Variants in ABCC1 observed in about 807,000 individuals in gnomAD.
The protein encoded by ABCC1 is ATP binding cassette subfamily C member 1 (ABCC1 blood group).
A neutral mutation model predicts 172.9 loss-of-function variants in ABCC1; 83 were observed. That is an observed-to-expected ratio of 0.48 (90% CI 0.40 to 0.58). The LOEUF is 0.58. ABCC1 is among the 20% of genes least tolerant of loss of function. ABCC1 has a pLI of 0.00. For missense variants in ABCC1, 1,817 were observed against 2,002.7 expected (o/e 0.91, Z 1.77); for synonymous variants, 937 against 825.2 (o/e 1.14, Z -2.32).
chr16:16,102,883 C>G (rs1451695606), intron 20 of ABCC1, among the ~76,000 whole-genome samples, 166 bp downstream of exon 20: 1 of 152,104 alleles, frequency 6.6e-6, no homozygotes, highest in Non-Finnish European at 1.5e-5. Flanking sequence ...TACAGAGGCC[C>G]AAAGAAGGAA....
At chr16:16,059,804 G>A (rs977796865) in intron 12 of ABCC1, among the ~76,000 whole-genome samples, 2 of 151,222 alleles carry the variant, frequency 1.3e-5, no homozygotes, top group Non-Finnish European at 3.0e-5. Context: ...ACCCTTTCCT[G>A]CTGCTGCCCC....
At chr16:16,104,204 C>G (rs191033366) in intron 20 of ABCC1, among the ~76,000 whole-genome samples, 9 of 152,162 alleles carry the variant, frequency 5.9e-5, no homozygotes, top group Non-Finnish European at 1.0e-4. Flanking sequence ...AAAGCTTCCA[C>G]AGTTTGGAAG....
intron 1 of ABCC1, among the ~76,000 whole-genome samples, chr16:15,960,444 G>C (rs933555418): frequency 3.9e-5 from 6 of 152,046 alleles, no homozygotes; most frequent in African/African-American, 1.4e-4. Flanking sequence ...CATTTATTCA[G>C]TCATTATTAA....
chr16:16,061,813 G>A (rs541211848), intron 12 of ABCC1, among the ~76,000 whole-genome samples: 146 of 120,774 alleles, frequency 1.2e-3, no homozygotes, highest in Non-Finnish European at 2.0e-3. Context: ...TCACACTGCC[G>A]CCCAAGCTGG....
At position 16,131,950 on chromosome 16, in the gene ABCC1, CCCCATTCCCTCA is replaced by C. The variant is rs761044130; in HGVS notation, c.3966+25_3966+36del. On this transcript the variant is annotated intron_variant, in intron 27 of 30. Transcript: ENST00000399410. ...GGGGAGAAAAGGTGGGTACACATCG[CCCCATTCCCTCA>C]CCCATTCCCAGTCGGGCACAGGGTG... 6 of 1,609,570 alleles carry C rather than the reference CCCCATTCCCTCA, an allele frequency of 3.7e-6. No individual in the cohort carries two copies. The Admixed American group carries it at 5.1e-5, about 14-fold the overall frequency.
At chr16:16,063,026 T>C (rs2049977735) in intron 12 of ABCC1, among the ~76,000 whole-genome samples, 1 of 152,224 alleles carries the variant, frequency 6.6e-6, no homozygotes, top group African/African-American at 2.4e-5. Flanking sequence ...TAATGATCTG[T>C]CCTGTAGTTC....
chr16:15,987,073 G>T (rs556972791), intron 1 of ABCC1, among the ~76,000 whole-genome samples: 1 of 152,312 alleles, frequency 6.6e-6, no homozygotes, highest in South Asian at 2.1e-4. Context: ...GCTGAGGCGG[G>T]AGGATCACTT....
intron 7 of ABCC1, among the ~76,000 whole-genome samples, chr16:16,039,893 G>A (rs1457988447): frequency 1.3e-5 from 2 of 152,192 alleles, no homozygotes; most frequent in East Asian, 3.9e-4. Flanking sequence ...GGGGGCTTGT[G>A]TGGCTTGAGG....
At chr16:15,986,755 C>T (rs559448624) in intron 1 of ABCC1, among the ~76,000 whole-genome samples, 16 of 152,102 alleles carry the variant, frequency 1.1e-4, no homozygotes, top group East Asian at 3.9e-4. Context: ...GTTCTGGGGA[C>T]GGGGATGTAG....
chr16:16,090,722 G>GC (rs2051219050), intron 19 of ABCC1, 134 bp downstream of exon 19: 1 of 974,888 alleles, frequency 1.0e-6, no homozygotes, highest in African/African-American at 1.7e-5. Flanking sequence ...GCTGGATGGA[G>GC]CCCCCTAAAG....
intron 1 of ABCC1, among the ~76,000 whole-genome samples, chr16:15,985,516 C>T (rs2046723261): frequency 6.6e-6 from 1 of 152,114 alleles, no homozygotes; most frequent in Non-Finnish European, 1.5e-5. Context: ...ACCATCTCGG[C>T]TCACTGCATC....
At chr16:16,078,073 A>G (rs1431964517) in intron 15 of ABCC1, among the ~76,000 whole-genome samples, 1 of 152,210 alleles carries the variant, frequency 6.6e-6, no homozygotes. Context: ...CACAAGAATC[A>G]TTTGAACCTG....
intron 7 of ABCC1, among the ~76,000 whole-genome samples, chr16:16,039,419 C>T (rs2048890900): frequency 1.3e-5 from 2 of 151,054 alleles, no homozygotes; most frequent in African/African-American, 4.9e-5. Flanking sequence ...AGGTGCATGC[C>T]ACCACGCCTG....
chr16:16,028,597 G>A (rs538014813), intron 5 of ABCC1, among the ~76,000 whole-genome samples: 2 of 152,132 alleles, frequency 1.3e-5, no homozygotes, highest in Admixed American at 6.5e-5. Flanking sequence ...CAGCTCTTCC[G>A]GATGAAAAAC....
chr16:15,981,623 G>A (rs1463570294), intron 1 of ABCC1, among the ~76,000 whole-genome samples: 1 of 152,120 alleles, frequency 6.6e-6, no homozygotes, highest in East Asian at 1.9e-4. Flanking sequence ...GGGGGCCCTG[G>A]GCCCGGCCTA....
intron 6 of ABCC1, among the ~76,000 whole-genome samples, chr16:16,034,045 T>TTTTG (rs56234008): frequency 3.0e-5 from 4 of 131,322 alleles, no homozygotes; most frequent in African/African-American, 5.9e-5. Flanking sequence ...TTTTTTTTTT[T>TTTTG]GAGACAGGCT....
At chr16:15,972,956 C>T (rs1025537130) in intron 1 of ABCC1, among the ~76,000 whole-genome samples, 12 of 151,572 alleles carry the variant, frequency 7.9e-5, no homozygotes, top group Admixed American at 4.6e-4. Context: ...CACCACCATA[C>T]CTGGCTAATT....
intron 20 of ABCC1, among the ~76,000 whole-genome samples, chr16:16,103,505 A>G (rs1029291995): frequency 1.3e-5 from 2 of 152,100 alleles, no homozygotes; most frequent in Non-Finnish European, 2.9e-5. Context: ...GCTTGAACCC[A>G]GGAGGTGGAG....
At chr16:16,096,102 A>T (rs2051465180) in intron 19 of ABCC1, among the ~76,000 whole-genome samples, 2 of 152,180 alleles carry the variant, frequency 1.3e-5, no homozygotes, top group African/African-American at 4.8e-5. Context: ...CCCCATCTCT[A>T]CTAAAAATAC....
Sources: allele counts gnomAD v4.1 joint callset (sites outside exome capture counted in the v4.1 genomes callset), GRCh38; gene constraint gnomAD v4.1.1; transcripts MANE v1.5; gene names NCBI Gene and HGNC (gene_info 2026-07-23, HGNC 2026-07-21).